OCA2: variants seen among roughly 807,000 people sequenced by gnomAD.
OCA2 encodes P protein.
A neutral mutation model predicts 100.2 loss-of-function variants in OCA2; 77 were observed. The observed-to-expected ratio is 0.77, with a 90% CI of 0.64 to 0.93. The LOEUF is 0.93. Ranked by LOEUF, OCA2 falls within the 40% of genes least tolerant of loss-of-function variation. OCA2 has a pLI of 0.00. For synonymous variants in OCA2, 432 were observed against 439.2 expected, an observed-to-expected ratio of 0.98 and a Z score of 0.21; for missense variants, 1,062 against 1,089.1, an observed-to-expected ratio of 0.98 and a Z score of 0.35.
At chr15:27,816,141 CAAA>C (rs1157941678) in intron 23 of OCA2, among the ~76,000 whole-genome samples, 1 of 151,656 alleles carries the variant, frequency 6.6e-6, no homozygotes, top group Non-Finnish European at 1.5e-5. Flanking sequence ...TCTCAAAAAA[CAAA>C]AACAAAATAA....
At chr15:27,773,598 T>A (rs1269352727) in intron 23 of OCA2, among the ~76,000 whole-genome samples, 1 of 152,228 alleles carries the variant, frequency 6.6e-6, no homozygotes, top group African/African-American at 2.4e-5. Context: ...GCTCAGCTAA[T>A]CCTCACGATA....
chr15:27,812,942 C>T (rs1298207086), intron 23 of OCA2, among the ~76,000 whole-genome samples: 2 of 152,138 alleles, frequency 1.3e-5, no homozygotes, highest in African/African-American at 4.8e-5. Flanking sequence ...CTCCTCCCCA[C>T]TTCCCCACAT....
the OCA2 span, among the ~76,000 whole-genome samples, chr15:27,734,948 G>A: frequency 8.5e-5 from 13 of 152,320 alleles, no homozygotes; most frequent in South Asian, 2.7e-3. Flanking sequence ...CCACAAGGAT[G>A]AAGAGCAATC....
intron 23 of OCA2, among the ~76,000 whole-genome samples, chr15:27,758,977 G>T (rs2030614462): frequency 2.0e-5 from 3 of 151,976 alleles, no homozygotes; most frequent in Non-Finnish European, 4.4e-5. Flanking sequence ...TCCTAAAAAG[G>T]CTAGGCACCC....
chr15:28,013,120 C>G (rs2042287065), intron 9 of OCA2, among the ~76,000 whole-genome samples: 3 of 152,182 alleles, frequency 2.0e-5, no homozygotes, highest in Non-Finnish European at 4.4e-5. Flanking sequence ...ACATAGGGTC[C>G]TCCTCCTGGA....
intron 9 of OCA2, among the ~76,000 whole-genome samples, chr15:27,992,177 T>C (rs2041579223): frequency 6.6e-6 from 1 of 151,938 alleles, no homozygotes; most frequent in Non-Finnish European, 1.5e-5. Flanking sequence ...GTTGGCTCAC[T>C]GCAACCTCCA....
At chr15:28,008,823 A>G (rs527968885) in intron 9 of OCA2, among the ~76,000 whole-genome samples, 1 of 152,256 alleles carries the variant, frequency 6.6e-6, no homozygotes, top group Non-Finnish European at 1.5e-5. Context: ...TCTGGGGAGC[A>G]GCTGGCAGCA....
rs987939672 is a variant in OCA2, at chr15:27,944,689, C to G, written c.1951+7095G>C. On this transcript the variant is annotated intron_variant, in intron 18 of 23. Coordinates refer to ENST00000354638, the MANE Select transcript of OCA2 (RefSeq NM_000275.3). Reference sequence around the variant, plus strand: ...CCATTTCCCACACCCCTATGATTTACACCCTCAACCAATTGGCAGCAAGCA... The same window carrying G: ...CCATTTCCCACACCCCTATGATTTAGACCCTCAACCAATTGGCAGCAAGCA... Among the ~76,000 whole-genome samples the G allele has an allele frequency of 1.6e-4, 25 of 152,254 alleles. 1 individual carries two copies. In the South Asian group the frequency reaches 4.8e-3, roughly 29 times the overall value.
chr15:28,070,366 C>T (rs1285796852), intron 2 of OCA2, among the ~76,000 whole-genome samples: 19 of 136,602 alleles, frequency 1.4e-4, no homozygotes, highest in Non-Finnish European at 2.6e-4. Flanking sequence ...GTGAGGGGCA[C>T]CTCTGCCCGG....
At chr15:27,761,452 A>G (rs952138534) in intron 23 of OCA2, among the ~76,000 whole-genome samples, 1 of 151,616 alleles carries the variant, frequency 6.6e-6, no homozygotes, top group Non-Finnish European at 1.5e-5. Flanking sequence ...AAGTTACAAA[A>G]TGGTGATTAA....
chr15:27,997,371 G>C (rs1001563428), intron 9 of OCA2, among the ~76,000 whole-genome samples: 16 of 151,598 alleles, frequency 1.1e-4, no homozygotes, highest in African/African-American at 1.5e-4. Flanking sequence ...GTAAGGAAGG[G>C]ATCCAGTTTC....
At chr15:27,848,066 T>C (rs1232459490) in intron 22 of OCA2, among the ~76,000 whole-genome samples, 1 of 152,176 alleles carries the variant, frequency 6.6e-6, no homozygotes, top group African/African-American at 2.4e-5. Context: ...GGGACCCCTA[T>C]GTTTTCTGAG....
At chr15:27,844,891 T>C in intron 23 of OCA2, 68 bp downstream of exon 23, 4 of 1,150,626 alleles carry the variant, frequency 3.5e-6, no homozygotes, top group Non-Finnish European at 5.2e-6. Context: ...TAATGTGTTA[T>C]TTTTTTAATT....
At chr15:27,927,784 C>CTTTTTTTTTTTTTTTTTTTT (rs34037519) in intron 18 of OCA2, among the ~76,000 whole-genome samples, 2 of 69,336 alleles carry the variant, frequency 2.9e-5, no homozygotes, top group Non-Finnish European at 5.0e-5. Context: ...CTTTGAGCAT[C>CTTTTTTTTTTTTTTTTTTTT]TTTTTTTTTT....
intron 2 of OCA2, among the ~76,000 whole-genome samples, chr15:28,040,731 C>T (rs967352562): frequency 1.3e-5 from 2 of 151,942 alleles, no homozygotes; most frequent in African/African-American, 4.8e-5. Flanking sequence ...ATTGGATAAC[C>T]TAGATGAAAT....
downstream of OCA2, among the ~76,000 whole-genome samples, chr15:27,753,181 T>A (rs1456865311): frequency 4.7e-5 from 7 of 147,790 alleles, no homozygotes; most frequent in Admixed American, 4.7e-4. Flanking sequence ...GAACGAGAGG[T>A]TCCAGCAGGG....
At chr15:27,748,921 A>G in the OCA2 span, among the ~76,000 whole-genome samples, 1 of 152,168 alleles carries the variant, frequency 6.6e-6, no homozygotes, top group African/African-American at 2.4e-5. Flanking sequence ...GGTCAGATCA[A>G]TAAAATTCAT....
At chr15:27,925,284 C>T (rs1202558748) in intron 19 of OCA2, among the ~76,000 whole-genome samples, 1 of 152,084 alleles carries the variant, frequency 6.6e-6, no homozygotes, top group Non-Finnish European at 1.5e-5. Context: ...CAGCAGAATA[C>T]ACATCACAAG....
In OCA2 at chr15:28,051,903, C is replaced by CA. The variant is rs1413075131; in HGVS notation, c.228-19741dup. Among the ~76,000 whole-genome samples the CA allele has an allele frequency of 3.9e-5, 6 of 152,074 alleles. No individual in the cohort carries two copies. The South Asian group carries it at 8.3e-4, about 21-fold the overall frequency. On this transcript the variant is annotated intron_variant, in intron 2 of 23. Coordinates refer to ENST00000354638, the MANE Select transcript of OCA2 (RefSeq NM_000275.3). ...TTGTGCCCTGTAGCACACTATTCTG[C>CA]AAAAAAATCAGGAACATACATTCAT...
Sources: gnomAD v4.1 joint callset for allele counts (sites outside exome capture counted in the v4.1 genomes callset) on GRCh38, gnomAD v4.1.1 for gene constraint, MANE v1.5 for transcripts, NCBI Gene and HGNC (gene_info 2026-07-23, HGNC 2026-07-21) for gene names.